KIF13A: variants seen among roughly 807,000 people sequenced by gnomAD.
KIF13A encodes the protein kinesin family member 13A.
Under a neutral mutation model 212.2 loss-of-function variants are expected in KIF13A, and 79 were observed. The observed-to-expected ratio is 0.37, with a 90% confidence interval of 0.31 to 0.45. KIF13A has a LOEUF of 0.45. Among genes scored for constraint, KIF13A ranks in the 20% least tolerant of loss-of-function variants. KIF13A has a pLI of 1.00. For synonymous variants in KIF13A, 789 were observed against 808.6 expected (o/e 0.98, Z 0.41); for missense variants, 1,901 against 2,209.0 (o/e 0.86, Z 2.79).
intron 20 of KIF13A, among the ~76,000 whole-genome samples, chr6:17,801,808 C>T (rs1424088064): frequency 6.6e-6 from 1 of 152,066 alleles, no homozygotes; most frequent in African/African-American, 2.4e-5. Flanking sequence ...TAGATCTAAT[C>T]CAGGAGGAAC....
intron 2 of KIF13A, among the ~76,000 whole-genome samples, chr6:17,956,895 T>C (rs1000007476): frequency 6.6e-6 from 1 of 152,158 alleles, no homozygotes; most frequent in Non-Finnish European, 1.5e-5. Context: ...TCACATTTTT[T>C]TTTTTAGACG....
chr6:17,903,659 CAAG>C (rs1773243150), intron 2 of KIF13A, among the ~76,000 whole-genome samples: 1 of 151,988 alleles, frequency 6.6e-6, no homozygotes, highest in African/African-American at 2.4e-5. Context: ...ATGTGGTGGT[CAAG>C]AAGAGAGAGG....
chr6:17,867,405 AC>A (rs1769509928), intron 4 of KIF13A, among the ~76,000 whole-genome samples: 1 of 152,226 alleles, frequency 6.6e-6, no homozygotes, highest in South Asian at 2.1e-4. Flanking sequence ...ACTTTAACAA[AC>A]TGTTCAAGTA....
In KIF13A at chr6:17,837,618, A is replaced by G; in HGVS notation, c.831-35T>C. On this transcript the variant is annotated intron_variant, in intron 9 of 38. Coordinates refer to ENST00000259711, the MANE Select transcript of KIF13A (RefSeq NM_022113.6). This position sits in a 1 kb window ranked among gnomAD's most constrained non-coding sequence, Gnocchi z 5.4. ...AAAAATGAAAAATTAGTTTTATGGAATGTTTATTTGGTTTAAGTATAAAAT... is the reference window on the plus strand; with the variant it reads ...AAAAATGAAAAATTAGTTTTATGGAGTGTTTATTTGGTTTAAGTATAAAAT... 1 of 1,356,632 alleles carries G rather than the reference A, an allele frequency of 7.4e-7. No individual in the cohort carries two copies. Among genetic ancestry groups the G allele is most frequent in the Non-Finnish European group, 1.0e-6 (1 of 967,268 alleles). 84.0% of individuals were successfully genotyped at this position (1,356,632 alleles called of 1,614,324 possible).
Position 17,987,556 on chromosome 6 carries a change from T to A in KIF13A, c.-93A>T. The A allele has an allele frequency of 1.6e-6, 1 of 630,092 alleles. No individual in the cohort carries two copies. The highest frequency in any genetic ancestry group is 2.0e-6 in the Non-Finnish European group (1 of 506,428). 39.0% of individuals were successfully genotyped at this position (630,092 alleles called of 1,614,324 possible). On this transcript the variant is annotated 5_prime_UTR_variant, in exon 1 of 39. Transcript: ENST00000259711. The surrounding 1 kb of genome is among the most constrained non-coding windows in gnomAD (Gnocchi z 7.7). The stretch of plus-strand genomic sequence containing the variant: ...CGCCGCCGCTGCAGCCGCGCGCCCC[T>A]CGAGCGCGGCCGCCGCCGCTCCGCC...
rs866963494 is a variant in KIF13A at position 17,803,924 on chromosome 6, G to C, written c.2454+437C>G. 2.0e-4 allele frequency among the ~76,000 whole-genome samples: 30 copies of C among 152,254 alleles called. 1 individual carries two copies. The Middle Eastern group carries it at 0.017, about 86-fold the overall frequency. On this transcript the variant is annotated intron_variant, in intron 20 of 38. Transcript: ENST00000259711. ...TCCCAGCACTTTGGGAAGCCGAGGC[G>C]GGCGGATCACAAGGTCAGGAGATCA...
intron 35 of KIF13A, among the ~76,000 whole-genome samples, chr6:17,774,107 G>C (rs147042601): frequency 2.0e-4 from 31 of 152,300 alleles, no homozygotes; most frequent in African/African-American, 7.2e-4. Context: ...GAAAACGCTG[G>C]CATATCATAC....
In KIF13A at chr6:17,859,645, T is replaced by C. The variant is rs967346886; in HGVS notation, c.221-3523A>G. 1.5e-5 allele frequency among the ~76,000 whole-genome samples: 2 copies of C among 137,788 alleles called. 1 individual carries two copies. 90.4% of individuals were successfully genotyped at this position (137,788 alleles called of 152,430 possible). A position where few individuals can be genotyped will look rare whatever the true frequency, so the allele number is the denominator to read the frequency against. On this transcript the variant is annotated intron_variant, in intron 4 of 38. Coordinates refer to ENST00000259711, the MANE Select transcript of KIF13A (RefSeq NM_022113.6). ...TTATATATATATATATATATTTTTTTTTTTTTTTTGAGACGAGTCTTGCCC... is the reference window on the plus strand; with the variant it reads ...TTATATATATATATATATATTTTTTCTTTTTTTTTGAGACGAGTCTTGCCC...
chr6:17,850,311 C>G lies in KIF13A; in HGVS notation c.717+12G>C. ...CACCCCCACTCCAAAAAGGTTCTGC[C>G]TAATCCCTTACCCCAGACTGCAGGT... On this transcript the variant is annotated intron_variant, in intron 8 of 38. Transcript: ENST00000259711. This position sits in a 1 kb window ranked among gnomAD's most constrained non-coding sequence, Gnocchi z 6.2. The G allele has an allele frequency of 6.2e-7, 1 of 1,608,902 alleles. No homozygotes were observed.
rs1459628100 is a variant in KIF13A, at chr6:17,837,649, GAAC to G, written c.831-69_831-67del. On this transcript the variant is annotated intron_variant, in intron 9 of 38. Coordinates refer to ENST00000259711, the MANE Select transcript of KIF13A (RefSeq NM_022113.6). This position sits in a 1 kb window ranked among gnomAD's most constrained non-coding sequence, Gnocchi z 5.4. The stretch of plus-strand genomic sequence containing the variant: ...ATTTGGTTTAAGTATAAAATATGCA[GAAC>G]AATAAAGCTCCACAGTTAATACACG... The G allele has an allele frequency of 1.8e-6, 2 of 1,095,168 alleles. No homozygotes were observed. Among genetic ancestry groups the G allele is most frequent in the East Asian group, 5.2e-5 (2 of 38,732 alleles). The allele number at this position is 1,095,168 out of a possible 1,614,324, so 67.8% of individuals were successfully genotyped here.
At chr6:17,833,360 T>C (rs1055212742) in intron 12 of KIF13A, among the ~76,000 whole-genome samples, 6 of 151,746 alleles carry the variant, frequency 4.0e-5, no homozygotes, top group South Asian at 2.1e-4. Context: ...CTGGGCATGG[T>C]AGCACATGCC....
intron 2 of KIF13A, among the ~76,000 whole-genome samples, chr6:17,932,645 C>T (rs1013953257): frequency 6.6e-6 from 1 of 152,138 alleles, no homozygotes; most frequent in Non-Finnish European, 1.5e-5. Flanking sequence ...CCTCAACACC[C>T]TTGTATTTGC....
intron 3 of KIF13A, among the ~76,000 whole-genome samples, chr6:17,887,056 A>G (rs955129593): frequency 2.6e-5 from 4 of 152,144 alleles, no homozygotes; most frequent in African/African-American, 9.7e-5. Context: ...GAAGGAATAC[A>G]ATTCCTCACC....
Position 17,776,607 on chromosome 6 carries a change from G to A in KIF13A, c.4170+670C>T, listed in dbSNP as rs1760003735. On this transcript the variant is annotated intron_variant, in intron 34 of 38. Transcript: ENST00000259711. This position sits in a 1 kb window ranked among gnomAD's most constrained non-coding sequence, Gnocchi z 4.6. ...GACAATTTTTGTAAGTGGCCACCAT[G>A]TTTTAAATAATTTTCTGGCAATTCT... is the stretch of plus-strand genomic sequence containing the variant. Among the ~76,000 whole-genome samples the A allele has an allele frequency of 1.3e-5, 2 of 152,186 alleles. No homozygotes were observed. The highest frequency in any genetic ancestry group is 4.8e-5 in the African/African-American group (2 of 41,452).
chr6:17,786,735 G>A lies in KIF13A; in HGVS notation c.3361+1041C>T, dbSNP rs1043357024. On this transcript the variant is annotated intron_variant, in intron 27 of 38. Coordinates refer to ENST00000259711, the MANE Select transcript of KIF13A (RefSeq NM_022113.6). This position sits in a 1 kb window ranked among gnomAD's most constrained non-coding sequence, Gnocchi z 5.4. ...ATCCTCTTATTCATAATTCAACTCT[G>A]GGGCTCCCTGGGTACAGTCTAAGTG... Among the ~76,000 whole-genome samples, 2 of 152,078 alleles carry A rather than the reference G, an allele frequency of 1.3e-5. No homozygotes were observed. Among genetic ancestry groups the A allele is most frequent in the African/African-American group, 2.4e-5 (1 of 41,398 alleles).
downstream of KIF13A, chr6:17,760,551 T>C: frequency 2.2e-6 from 1 of 464,954 alleles, no homozygotes; most frequent in South Asian, 3.2e-5. Flanking sequence ...TAGAGGTTTC[T>C]ATACAGTGGA....
Position 17,985,086 on chromosome 6 carries a change from T to C in KIF13A, c.146+1968A>G, listed in dbSNP as rs555428636. 3.9e-5 allele frequency among the ~76,000 whole-genome samples: 6 copies of C among 152,386 alleles called. No homozygotes were observed. The South Asian group carries it at 8.3e-4, about 21-fold the overall frequency. ...TCCTAATGTACAAGGAGCACTGTTTTGTTGACTACTCAGTTTGTCTGTAAA... is the reference window on the plus strand; with the variant it reads ...TCCTAATGTACAAGGAGCACTGTTTCGTTGACTACTCAGTTTGTCTGTAAA... On this transcript the variant is annotated intron_variant, in intron 2 of 38. Coordinates refer to ENST00000259711, the MANE Select transcript of KIF13A (RefSeq NM_022113.6).
In KIF13A at chr6:17,825,220, T is replaced by A. The variant is rs193016545; in HGVS notation, c.1786+548A>T. 6.6e-6 allele frequency among the ~76,000 whole-genome samples: 1 copy of A among 152,226 alleles called. No homozygotes were observed. The highest frequency in any genetic ancestry group is 1.5e-5 in the Non-Finnish European group (1 of 68,042). Reference sequence around the variant, plus strand: ...AGGTAAAGGAACACGGACTTTTAGATGTGAAACTTGGTATAAGTCAAATAA... The same window carrying A: ...AGGTAAAGGAACACGGACTTTTAGAAGTGAAACTTGGTATAAGTCAAATAA... On this transcript the variant is annotated intron_variant, in intron 16 of 38. Transcript: ENST00000259711. The surrounding 1 kb of genome is among the most constrained non-coding windows in gnomAD (Gnocchi z 4.5).
chr6:17,903,715 G>A (rs1773249381), intron 2 of KIF13A, among the ~76,000 whole-genome samples: 1 of 152,112 alleles, frequency 6.6e-6, no homozygotes, highest in Non-Finnish European at 1.5e-5. Context: ...TGACAGGCAG[G>A]GATGTGGGCC....
Sources: allele counts gnomAD v4.1 joint callset (sites outside exome capture counted in the v4.1 genomes callset), GRCh38; gene constraint gnomAD v4.1.1; non-coding constraint Gnocchi (gnomAD v3.1); transcripts MANE v1.5; gene names NCBI Gene and HGNC (gene_info 2026-07-23, HGNC 2026-07-21).